Variants in RECQL5 observed in about 807,000 individuals in gnomAD.
RECQL5 encodes the protein ATP-dependent DNA helicase Q5.
In RECQL5, 88 loss-of-function variants were observed where a neutral mutation model predicts 103.4. The ratio of observed to expected loss-of-function variants is 0.85; its 90% CI spans 0.72 to 1.02. RECQL5 has a LOEUF of 1.02. Ranked by LOEUF, RECQL5 falls within the 50% of genes least tolerant of loss-of-function variation. The pLI is 0.00. For synonymous variants in RECQL5, 552 were observed against 507.9 expected, an observed-to-expected ratio of 1.09 and a Z score of -1.17; for missense variants, 1,232 against 1,284.3, an observed-to-expected ratio of 0.96 and a Z score of 0.62.
rs565625716 is a variant in RECQL5, at chr17:75,643,575, G to A, written c.1229+7611C>T. Among the ~76,000 whole-genome samples, 61 of 152,330 alleles carry A rather than the reference G, an allele frequency of 4.0e-4. No homozygotes were observed. In the East Asian group the frequency reaches 5.0e-3, roughly 13 times the overall value. ...CTGCTCTCCGACAGCAGCCTGGCCC[G>A]CTCCTTTAAGAGGCAGCTTCTTGTG... is the stretch of plus-strand genomic sequence containing the variant. On this transcript the variant is annotated intron_variant, in intron 8 of 19. Transcript: ENST00000317905.
In RECQL5 at chr17:75,651,343, C is replaced by G. The variant is rs533526253; in HGVS notation, c.1150-78G>C. On this transcript the variant is annotated intron_variant, in intron 7 of 19. Coordinates refer to ENST00000317905, the MANE Select transcript of RECQL5 (RefSeq NM_004259.7). ...GAGCCACAAAAAGTAATGAGGAGGCCGAGTGCGGTGGCTCACGGCTGTAAT... is the reference window on the plus strand; with the variant it reads ...GAGCCACAAAAAGTAATGAGGAGGCGGAGTGCGGTGGCTCACGGCTGTAAT... The G allele has an allele frequency of 3.4e-3, 5,209 of 1,541,940 alleles. 14 individuals carry two copies. The highest frequency in any genetic ancestry group is 4.3e-3 in the Non-Finnish European group (4,794 of 1,119,592).
At chr17:75,666,596 A>C in intron 1 of RECQL5, 25 bp from the exon 2 acceptor site, 1 of 1,598,490 alleles carries the variant, frequency 6.3e-7, no homozygotes, top group Non-Finnish European at 8.5e-7. Flanking sequence ...AGGCAAAGGT[A>C]GTAAAAGGTT....
At chr17:75,650,019 G>A in intron 8 of RECQL5, 6 of 985,638 alleles carry the variant, frequency 6.1e-6, no homozygotes, top group Non-Finnish European at 7.2e-6. Flanking sequence ...GCATTCCAGA[G>A]CCTCAGACAG....
In RECQL5 at chr17:75,645,385, T is replaced by C. The variant is rs549535639; in HGVS notation, c.1229+5801A>G. On this transcript the variant is annotated intron_variant, in intron 8 of 19. Coordinates refer to ENST00000317905, the MANE Select transcript of RECQL5 (RefSeq NM_004259.7). ...TGCTGGATTCAAACTCCAACTCAGT[T>C]ACTTACTAGCTGATGACCTCGGCTA... Among the ~76,000 whole-genome samples the C allele has an allele frequency of 3.9e-5, 6 of 152,340 alleles. No individual in the cohort carries two copies. The East Asian group carries it at 1.2e-3, about 29-fold the overall frequency.
Position 75,666,461 on chromosome 17 carries a change from A to C in RECQL5, c.97T>G (p.Leu33Val). Residue 33 changes from leucine (L) to valine (V), a missense_variant, in exon 2 of 20, where the codon TTA becomes GTA. Transcript: ENST00000317905. Reference sequence around the variant, plus strand: ...ACAGCCATGGTCGCACTCTCCTGTAAAGGCGTCTTAAAAGAGTCAAACCCA... The same window carrying C: ...ACAGCCATGGTCGCACTCTCCTGTACAGGCGTCTTAAAAGAGTCAAACCCA... ...VFGFDSFKTP[L>V]QESATMAVVK... 6.2e-7 allele frequency: 1 copy of C among 1,614,088 alleles called. No individual in the cohort carries two copies. Among genetic ancestry groups the C allele is most frequent in the Non-Finnish European group, 8.5e-7 (1 of 1,180,028 alleles).
intron 8 of RECQL5, chr17:75,649,715 A>G (rs2059531163): frequency 1.0e-6 from 1 of 985,384 alleles, no homozygotes; most frequent in African/African-American, 1.7e-5. Context: ...GCCAATACAG[A>G]CATACCAGCA....
At chr17:75,637,242 A>G (rs574697644) in intron 8 of RECQL5, 4 of 152,542 alleles carry the variant, frequency 2.6e-5, no homozygotes, top group African/African-American at 7.2e-5. Context: ...GTGTGGCACA[A>G]GCGAAAAAGC....
At chr17:75,654,628 TA>T (rs1297333775) in intron 7 of RECQL5, among the ~76,000 whole-genome samples, 1 of 152,176 alleles carries the variant, frequency 6.6e-6, no homozygotes, top group Non-Finnish European at 1.5e-5. Context: ...TTTATTTATT[TA>T]TTTTTTTGGA....
At position 75,640,081 on chromosome 17, in the gene RECQL5, G is replaced by A. The variant is rs953132700; in HGVS notation, c.1230-8413C>T. 3.5e-5 allele frequency: 47 copies of A among 1,356,580 alleles called. No individual in the cohort carries two copies. Among genetic ancestry groups the A allele is most frequent in the African/African-American group, 1.5e-5 (1 of 67,930 alleles). 84.0% of individuals were successfully genotyped at this position (1,356,580 alleles called of 1,614,324 possible). A position where few individuals can be genotyped will look rare whatever the true frequency, so the allele number is the denominator to read the frequency against. ...CTGACAAACTTGTTCTGCGGGCTGC[G>A]GATGGGTGCGAGGGTGGAATCTCGG... On this transcript the variant is annotated intron_variant, in intron 8 of 19. Coordinates refer to ENST00000317905, the MANE Select transcript of RECQL5 (RefSeq NM_004259.7). The surrounding 1 kb of genome is among the most constrained non-coding windows in gnomAD (Gnocchi z 4.6).
chr17:75,628,356 G>A lies in RECQL5; in HGVS notation c.2667C>T (p.Ala889=). 1 of 1,614,100 alleles carries A rather than the reference G, an allele frequency of 6.2e-7. No homozygotes were observed. The highest frequency in any genetic ancestry group is 8.5e-7 in the Non-Finnish European group (1 of 1,180,030). The change falls in exon 18 of 20, where the codon GCC becomes GCT. Residue 889 remains alanine (A), a synonymous_variant. Transcript: ENST00000317905. ...VVAEVKGSVS[A]SEQGTLNPTA... is the part of the protein sequence containing the mutation. Reference sequence around the variant, plus strand: ...TGGGATTCAAGGTGCCCTGTTCGCTGGCCGAGACGCTGCCCTTGACCTCAG... The same window carrying A: ...TGGGATTCAAGGTGCCCTGTTCGCTAGCCGAGACGCTGCCCTTGACCTCAG...
In RECQL5 at chr17:75,636,870, C is replaced by T. The variant is rs2148269859; in HGVS notation, c.1230-5202G>A. The T allele has an allele frequency of 6.6e-6, 1 of 152,374 alleles. No individual in the cohort carries two copies. Among genetic ancestry groups the T allele is most frequent in the South Asian group, 2.1e-4 (1 of 4,830 alleles). 9.4% of individuals were successfully genotyped at this position (152,374 alleles called of 1,614,324 possible). On this transcript the variant is annotated intron_variant, in intron 8 of 19. Coordinates refer to ENST00000317905, the MANE Select transcript of RECQL5 (RefSeq NM_004259.7). The surrounding 1 kb of genome is among the most constrained non-coding windows in gnomAD (Gnocchi z 5.4). The stretch of plus-strand genomic sequence containing the variant: ...CAGGATACCGTGAGTACCCCTGGGT[C>T]AGACCCTGGGGCTGGGTGAGGCTGG...
intron 8 of RECQL5, among the ~76,000 whole-genome samples, chr17:75,633,209 A>C (rs536341445): frequency 6.6e-6 from 1 of 152,354 alleles, no homozygotes; most frequent in East Asian, 1.9e-4. Context: ...AGGCTCTGGC[A>C]TCCGAGTGGT....
intron 7 of RECQL5, among the ~76,000 whole-genome samples, chr17:75,655,314 G>A (rs933234694): frequency 3.3e-5 from 5 of 150,516 alleles, no homozygotes; most frequent in African/African-American, 7.3e-5. Flanking sequence ...CAAGTGATCC[G>A]CTCGCCTTGG....
At position 75,640,652 on chromosome 17, in the gene RECQL5, C is replaced by T. The variant is rs761161268; in HGVS notation, c.1230-8984G>A. On this transcript the variant is annotated intron_variant, in intron 8 of 19. Transcript: ENST00000317905. This position sits in a 1 kb window ranked among gnomAD's most constrained non-coding sequence, Gnocchi z 4.6. ...TGGCATGGGGACCGTCCGCACCTCT[C>T]ACCAGCCTCTCGGATCTTTCTGACC... 36 of 1,459,156 alleles carry T rather than the reference C, an allele frequency of 2.5e-5. No individual in the cohort carries two copies. Among genetic ancestry groups the T allele is most frequent in the Non-Finnish European group, 2.8e-5 (31 of 1,101,472 alleles). 90.4% of individuals were successfully genotyped at this position (1,459,156 alleles called of 1,614,324 possible). A position where few individuals can be genotyped will look rare whatever the true frequency, so the allele number is the denominator to read the frequency against.
intron 8 of RECQL5, chr17:75,649,527 C>T: frequency 3.3e-6 from 2 of 607,192 alleles, no homozygotes; most frequent in Non-Finnish European, 4.1e-6. Flanking sequence ...ACCCCACTAG[C>T]TCTGTCCCTC....
chr17:75,632,662 C>T (rs914169011), intron 8 of RECQL5, among the ~76,000 whole-genome samples: 4 of 152,146 alleles, frequency 2.6e-5, no homozygotes, highest in East Asian at 3.9e-4. Context: ...GGCTGGCCCA[C>T]GAGGCTCTGT....
chr17:75,637,834 G>A (rs1361485868), intron 8 of RECQL5: 1 of 152,484 alleles, frequency 6.6e-6, no homozygotes, highest in Non-Finnish European at 1.5e-5. Context: ...CTATCTTGCT[G>A]GTCTAAGCTG....
intron 18 of RECQL5, 120 bp downstream of exon 18, chr17:75,628,098 C>T (rs981238862): frequency 3.3e-5 from 28 of 860,204 alleles, no homozygotes; most frequent in Non-Finnish European, 4.1e-5. Context: ...CCAGGGAGGA[C>T]GGGCGTGGGG....
At chr17:75,634,395 C>T (rs921649688) in intron 8 of RECQL5, among the ~76,000 whole-genome samples, 1 of 152,236 alleles carries the variant, frequency 6.6e-6, no homozygotes, top group Admixed American at 6.5e-5. Flanking sequence ...GGACCCTGCA[C>T]TAGGGGAGGG....
Sources: allele counts gnomAD v4.1 joint callset (sites outside exome capture counted in the v4.1 genomes callset), GRCh38; gene constraint gnomAD v4.1.1; non-coding constraint Gnocchi (gnomAD v3.1); transcripts MANE v1.5; gene names NCBI Gene and HGNC (gene_info 2026-07-23, HGNC 2026-07-21).